Variants in HTR1F observed in about 807,000 individuals in gnomAD.
The protein encoded by HTR1F is 5-hydroxytryptamine receptor 1F.
Under a neutral mutation model 24.0 loss-of-function variants are expected in HTR1F, and 17 were observed. That is an observed-to-expected ratio of 0.71 (90% confidence interval 0.48 to 1.06). HTR1F has a LOEUF of 1.06. Among genes scored for constraint, HTR1F ranks in the 50% least tolerant of loss-of-function variants. The pLI, the probability that HTR1F is intolerant of heterozygous loss-of-function variation, is 0.00. For synonymous variants in HTR1F, 186 were observed against 156.8 expected, an observed-to-expected ratio of 1.19 and a Z score of -1.39; for missense variants, 391 against 427.8, an observed-to-expected ratio of 0.91 and a Z score of 0.76.
At chr3:87,849,028 C>A (rs894739147) in intron 2 of HTR1F, among the ~76,000 whole-genome samples, 4 of 151,510 alleles carry the variant, frequency 2.6e-5, no homozygotes, top group Non-Finnish European at 5.9e-5. Context: ...AATGGCCATA[C>A]TGCCCAAGGT....
Position 87,806,254 on chromosome 3 carries a change from G to A in HTR1F, c.-160+13412G>A, listed in dbSNP as rs191357698. Among the ~76,000 whole-genome samples, 11 of 151,978 alleles carry A rather than the reference G, an allele frequency of 7.2e-5. No individual in the cohort carries two copies. In the East Asian group the frequency reaches 1.9e-3, roughly 27 times the overall value. ...ATGCTTTGATATACTAATTTCCTTT[G>A]GATAAATATCTGGTAGTAGAGTTGC... On this transcript the variant is annotated intron_variant, in intron 1 of 2. Coordinates refer to ENST00000319595, the MANE Select transcript of HTR1F (RefSeq NM_001322209.2).
rs1334557127 is a variant in HTR1F at position 87,991,930 on chromosome 3, T to TA, written c.*82dup. The TA allele has an allele frequency of 1.4e-5, 17 of 1,251,610 alleles. No individual in the cohort carries two copies. In the Admixed American group the frequency reaches 4.0e-4, roughly 29 times the overall value. 77.5% of individuals were successfully genotyped at this position (1,251,610 alleles called of 1,614,324 possible). On this transcript the variant is annotated 3_prime_UTR_variant, in exon 3 of 3. Coordinates refer to ENST00000319595, the MANE Select transcript of HTR1F (RefSeq NM_001322209.2). ...GATGAATGCCAAATAATAAAACACT[T>TA]AAGCTTTTAGAGGGAAATACATGAA...
At chr3:87,944,825 C>A (rs1284980651) in intron 2 of HTR1F, among the ~76,000 whole-genome samples, 4 of 152,120 alleles carry the variant, frequency 2.6e-5, no homozygotes. Flanking sequence ...TTGGGCCATC[C>A]GTGGGTTACG....
intron 2 of HTR1F, among the ~76,000 whole-genome samples, chr3:87,845,604 A>G (rs918836271): frequency 1.3e-5 from 2 of 151,250 alleles, no homozygotes; most frequent in Admixed American, 1.3e-4. Flanking sequence ...AAATGGAAGA[A>G]CATTCCATGC....
chr3:87,804,132 T>C (rs1476399301), intron 1 of HTR1F, among the ~76,000 whole-genome samples: 1 of 152,190 alleles, frequency 6.6e-6, no homozygotes, highest in Non-Finnish European at 1.5e-5. Context: ...TAATAATGAA[T>C]TGCAATATTT....
intron 2 of HTR1F, among the ~76,000 whole-genome samples, chr3:87,883,837 G>C (rs888723192): frequency 1.3e-5 from 2 of 152,124 alleles, no homozygotes; most frequent in African/African-American, 4.8e-5. Context: ...AGAAATATGG[G>C]ACTATATGAA....
chr3:87,906,181 T>G (rs1035106577), intron 2 of HTR1F, among the ~76,000 whole-genome samples: 1 of 152,128 alleles, frequency 6.6e-6, no homozygotes, highest in African/African-American at 2.4e-5. Context: ...GTTAAGGCTA[T>G]AGAGTAACTT....
chr3:87,863,016 C>T (rs1350133894), intron 2 of HTR1F, among the ~76,000 whole-genome samples: 2 of 152,108 alleles, frequency 1.3e-5, no homozygotes, highest in Non-Finnish European at 2.9e-5. Flanking sequence ...GGGGTTTCAC[C>T]ATTTCGGCCA....
At chr3:87,808,116 A>T (rs1261923553) in intron 1 of HTR1F, among the ~76,000 whole-genome samples, 1 of 151,826 alleles carries the variant, frequency 6.6e-6, no homozygotes, top group Admixed American at 6.6e-5. Flanking sequence ...TGGTATCAGG[A>T]TAATGCTGGC....
Position 87,906,430 on chromosome 3 carries a change from T to C in HTR1F, c.-42-84278T>C, listed in dbSNP as rs1431325408. 3.9e-5 allele frequency among the ~76,000 whole-genome samples: 6 copies of C among 152,156 alleles called. 1 individual carries two copies. In the South Asian group the frequency reaches 8.3e-4, roughly 21 times the overall value. ...AGAGAATAATTTTTATAATGTTTTC[T>C]CACATTCAATTTTGAAATAAAAATC... On this transcript the variant is annotated intron_variant, in intron 2 of 2. Transcript: ENST00000319595.
intron 2 of HTR1F, among the ~76,000 whole-genome samples, chr3:87,866,965 C>G (rs9852744): frequency 0.31 from 46,324 of 151,440 alleles, 9,062 homozygotes; most frequent in South Asian, 0.45. Context: ...CAGTTTGAAC[C>G]TGAAGTAATA....
intron 2 of HTR1F, among the ~76,000 whole-genome samples, chr3:87,878,416 G>A (rs187343050): frequency 4.8e-4 from 73 of 152,240 alleles, no homozygotes; most frequent in African/African-American, 1.5e-3. Context: ...CAGAAATATC[G>A]ATAAAAATGA....
chr3:87,886,913 T>C (rs1301532188), intron 2 of HTR1F, among the ~76,000 whole-genome samples: 5 of 152,164 alleles, frequency 3.3e-5, no homozygotes, highest in Non-Finnish European at 5.9e-5. Flanking sequence ...AGGTAATTTA[T>C]AGATTCAATG....
At chr3:87,927,032 A>G (rs1039627169) in intron 2 of HTR1F, among the ~76,000 whole-genome samples, 3 of 151,902 alleles carry the variant, frequency 2.0e-5, no homozygotes, top group African/African-American at 7.3e-5. Flanking sequence ...TGAAAAGAGA[A>G]AAAAATGACA....
chr3:87,981,082 C>T (rs1198875150), intron 2 of HTR1F, among the ~76,000 whole-genome samples: 1 of 152,222 alleles, frequency 6.6e-6, no homozygotes, highest in Admixed American at 6.5e-5. Flanking sequence ...CTGAAGTGCA[C>T]AGCCCAGCCT....
chr3:87,851,245 A>G (rs1359161371), intron 2 of HTR1F, among the ~76,000 whole-genome samples: 1 of 151,734 alleles, frequency 6.6e-6, no homozygotes, highest in African/African-American at 2.4e-5. Flanking sequence ...TTAACAGTTT[A>G]TCATGATCAC....
At chr3:87,984,995 G>A (rs1239991627) in intron 2 of HTR1F, among the ~76,000 whole-genome samples, 1 of 152,128 alleles carries the variant, frequency 6.6e-6, no homozygotes, top group Non-Finnish European at 1.5e-5. Flanking sequence ...GCTTACACTT[G>A]AACACCCTTC....
chr3:87,913,413 T>C (rs1703823433), intron 2 of HTR1F, among the ~76,000 whole-genome samples: 1 of 152,026 alleles, frequency 6.6e-6, no homozygotes, highest in Non-Finnish European at 1.5e-5. Context: ...TCAGAATGGC[T>C]ATTAATAAAA....
At chr3:87,836,880 CA>C (rs1472588514) in intron 2 of HTR1F, among the ~76,000 whole-genome samples, 2 of 129,350 alleles carry the variant, frequency 1.5e-5, no homozygotes, top group Non-Finnish European at 3.0e-5. Flanking sequence ...CTTAGTTCCA[CA>C]ATTATAAATT....
Sources: allele counts gnomAD v4.1 joint callset (sites outside exome capture counted in the v4.1 genomes callset), GRCh38; gene constraint gnomAD v4.1.1; transcripts MANE v1.5; gene names NCBI Gene and HGNC (gene_info 2026-07-23, HGNC 2026-07-21).